The following ZNF382 variants were observed in gnomAD, a reference collection of about 807,000 sequenced individuals.
ZNF382 encodes KRAB/zinc finger suppressor protein 1.
In ZNF382, 20 loss-of-function variants were observed where a neutral mutation model predicts 38.8. The observed-to-expected ratio is 0.51, with a 90% CI of 0.36 to 0.75. ZNF382 has a LOEUF of 0.75. Ranked by LOEUF, ZNF382 falls within the 30% of genes least tolerant of loss-of-function variation. The pLI is 0.00. For synonymous variants in ZNF382, 202 were observed against 223.1 expected (o/e 0.91, Z 0.84); for missense variants, 546 against 654.1 (o/e 0.83, Z 1.80).
At position 36,626,201 on chromosome 19, in the gene ZNF382, A is replaced by G. The variant is rs201581942; in HGVS notation, c.304A>G (p.Ile102Val). ...EYQDRHSRPL[I>V]FINHKKLIKE... is the part of the protein sequence containing the mutation. ...CCAAGACAGGCATTCTAGACCCCTC[A>G]TATTCATCAACCACAAAAAACTAAT... The change falls in exon 5 of 5, where the codon ATA becomes GTA. Residue 102 changes from isoleucine to valine, a missense_variant. Transcript: ENST00000292928. 43 of 1,599,896 alleles carry G rather than the reference A, an allele frequency of 2.7e-5. No homozygotes were observed. Among genetic ancestry groups the G allele is most frequent in the Middle Eastern group, 1.7e-4 (1 of 5,996 alleles).
At position 36,627,774 on chromosome 19, in the gene ZNF382, A is replaced by G. The variant is rs2037227628; in HGVS notation, c.*224A>G. On this transcript the variant is annotated 3_prime_UTR_variant, in exon 5 of 5. Transcript: ENST00000292928. ...AAGTCCAAACTTTTTTTTTATTACT[A>G]GCTTCAGCAGACAAAAACTTCCTCT... 4.3e-6 allele frequency: 2 copies of G among 459,810 alleles called. No individual in the cohort carries two copies. The highest frequency in any genetic ancestry group is 3.6e-5 in the East Asian group (1 of 27,682). The allele number at this position is 459,810 out of a possible 1,614,324, so 28.5% of individuals were successfully genotyped here. A position where few individuals can be genotyped will look rare whatever the true frequency, so the allele number is the denominator to read the frequency against.
intron 4 of ZNF382, among the ~76,000 whole-genome samples, chr19:36,624,645 C>T (rs1042357152): frequency 1.3e-5 from 2 of 152,086 alleles, no homozygotes; most frequent in South Asian, 2.1e-4. Flanking sequence ...GAGGAAAACT[C>T]AAACCTATCT....
At chr19:36,618,368 A>G (rs955979525) in intron 4 of ZNF382, among the ~76,000 whole-genome samples, 1 of 152,188 alleles carries the variant, frequency 6.6e-6, no homozygotes, top group South Asian at 2.1e-4. Context: ...GGCTCCTTGC[A>G]ATCTTGCCCT....
intron 4 of ZNF382, among the ~76,000 whole-genome samples, chr19:36,625,122 A>ATATATATATT (rs1217597750): frequency 1.5e-5 from 2 of 129,226 alleles, no homozygotes; most frequent in African/African-American, 5.7e-5. Flanking sequence ...ATATATATAT[A>ATATATATATT]TATATAATGT....
Position 36,629,476 on chromosome 19 carries a change from A to G in ZNF382, c.*1926A>G, listed in dbSNP as rs931034208. The G allele has an allele frequency of 1.5e-4, 23 of 152,250 alleles. No homozygotes were observed. The highest frequency in any genetic ancestry group is 5.3e-4 in the African/African-American group (22 of 41,466). 9.4% of individuals were successfully genotyped at this position (152,250 alleles called of 1,614,324 possible). A position where few individuals can be genotyped will look rare whatever the true frequency, so the allele number is the denominator to read the frequency against. ...TGGTACCACAAATGAGACCTCAAGCAAGAACTGCCCAGCTGAGGCCTTCCC... is the reference window on the plus strand; with the variant it reads ...TGGTACCACAAATGAGACCTCAAGCGAGAACTGCCCAGCTGAGGCCTTCCC... On this transcript the variant is annotated 3_prime_UTR_variant, in exon 5 of 5. Coordinates refer to ENST00000292928, the MANE Select transcript of ZNF382 (RefSeq NM_032825.5).
chr19:36,619,440 C>G (rs891585879), intron 4 of ZNF382, among the ~76,000 whole-genome samples: 2 of 152,162 alleles, frequency 1.3e-5, no homozygotes, highest in African/African-American at 4.8e-5. Context: ...GTCCAGTTTG[C>G]ATCATTCTGA....
intron 2 of ZNF382, chr19:36,609,638 T>G: frequency 3.8e-6 from 1 of 266,154 alleles, no homozygotes; most frequent in Non-Finnish European, 7.1e-6. Flanking sequence ...TATTTACATG[T>G]ATGCCCCTCT....
At chr19:36,605,901 G>A (rs2037018547) in intron 1 of ZNF382, among the ~76,000 whole-genome samples, 1 of 152,196 alleles carries the variant, frequency 6.6e-6, no homozygotes, top group African/African-American at 2.4e-5. Context: ...GTGTGGTTGT[G>A]ACTGCCTGGA....
chr19:36,618,543 A>C (rs888632169), intron 4 of ZNF382, among the ~76,000 whole-genome samples: 2 of 152,182 alleles, frequency 1.3e-5, no homozygotes, highest in Non-Finnish European at 2.9e-5. Flanking sequence ...CTGGAGATCT[A>C]TCTCTTCTGT....
Position 36,628,744 on chromosome 19 carries a change from A to G in ZNF382, c.*1194A>G, listed in dbSNP as rs2037234684. 6.6e-6 allele frequency: 1 copy of G among 152,570 alleles called. No homozygotes were observed. Among genetic ancestry groups the G allele is most frequent in the African/African-American group, 2.4e-5 (1 of 41,422 alleles). 9.5% of individuals were successfully genotyped at this position (152,570 alleles called of 1,614,324 possible). A position where few individuals can be genotyped will look rare whatever the true frequency, so the allele number is the denominator to read the frequency against. On this transcript the variant is annotated 3_prime_UTR_variant, in exon 5 of 5. Coordinates refer to ENST00000292928, the MANE Select transcript of ZNF382 (RefSeq NM_032825.5). Reference sequence around the variant, plus strand: ...GTGGGGAGGAATATAGTCTTTACCTATGGTCTGTATCTACTGGTCAGGTAC... The same window carrying G: ...GTGGGGAGGAATATAGTCTTTACCTGTGGTCTGTATCTACTGGTCAGGTAC...
intron 4 of ZNF382, among the ~76,000 whole-genome samples, chr19:36,620,851 C>T (rs1449251729): frequency 1.3e-5 from 2 of 151,922 alleles, no homozygotes; most frequent in Non-Finnish European, 2.9e-5. Flanking sequence ...CTCCACCTCC[C>T]GAGTTCAAGT....
intron 4 of ZNF382, among the ~76,000 whole-genome samples, chr19:36,623,049 C>A (rs1469465692): frequency 1.3e-5 from 2 of 152,046 alleles, no homozygotes; most frequent in Non-Finnish European, 2.9e-5. Context: ...TATGACATTT[C>A]TTTCTCTATT....
chr19:36,606,004 A>G (rs1294036728), intron 1 of ZNF382, among the ~76,000 whole-genome samples: 2 of 152,126 alleles, frequency 1.3e-5, no homozygotes, highest in African/African-American at 2.4e-5. Flanking sequence ...GTGACTCTGC[A>G]TGTGTTTGTA....
At chr19:36,609,876 T>A (rs1215502718) in intron 2 of ZNF382, 26 bp from the exon 3 acceptor site, 1 of 1,564,602 alleles carries the variant, frequency 6.4e-7, no homozygotes, top group African/African-American at 1.4e-5. Flanking sequence ...CAATATCTAG[T>A]TCTCACACAT....
intron 4 of ZNF382, among the ~76,000 whole-genome samples, chr19:36,612,447 T>G (rs2037085347): frequency 6.6e-6 from 1 of 152,224 alleles, no homozygotes; most frequent in African/African-American, 2.4e-5. Context: ...ACATACATGT[T>G]TATTTTTCTT....
At chr19:36,607,988 A>C in intron 2 of ZNF382, 1 of 215,098 alleles carries the variant, frequency 4.6e-6, no homozygotes, top group Non-Finnish European at 9.2e-6. Flanking sequence ...TCTCACAAAC[A>C]AACTGCTGGA....
chr19:36,633,800 T>C lies in ZNF382; in HGVS notation c.*6250T>C, dbSNP rs1399656961. Reference sequence around the variant, plus strand: ...GCTACATAGATGAACCTCAAATGCATTACGCTAAAGGAAAGAACCCAGTCC... The same window carrying C: ...GCTACATAGATGAACCTCAAATGCACTACGCTAAAGGAAAGAACCCAGTCC... On this transcript the variant is annotated 3_prime_UTR_variant, in exon 5 of 5. Transcript: ENST00000292928. The C allele has an allele frequency of 1.3e-5, 2 of 152,136 alleles. No individual in the cohort carries two copies. Among genetic ancestry groups the C allele is most frequent in the Non-Finnish European group, 2.9e-5 (2 of 68,040 alleles). The allele number at this position is 152,136 out of a possible 1,614,324, so 9.4% of individuals were successfully genotyped here. A position where few individuals can be genotyped will look rare whatever the true frequency, so the allele number is the denominator to read the frequency against.
intron 1 of ZNF382, among the ~76,000 whole-genome samples, chr19:36,606,256 T>C (rs1332766362): frequency 6.6e-6 from 1 of 151,990 alleles, no homozygotes; most frequent in Non-Finnish European, 1.5e-5. Flanking sequence ...AAACACCATA[T>C]TAACTAAAAC....
At chr19:36,618,430 G>A (rs1283218700) in intron 4 of ZNF382, among the ~76,000 whole-genome samples, 1 of 152,154 alleles carries the variant, frequency 6.6e-6, no homozygotes, top group Non-Finnish European at 1.5e-5. Context: ...CAACTTTGGG[G>A]CTCTGCTTTT....
Sources: allele counts gnomAD v4.1 joint callset (sites outside exome capture counted in the v4.1 genomes callset), GRCh38; gene constraint gnomAD v4.1.1; transcripts MANE v1.5; gene names NCBI Gene and HGNC (gene_info 2026-07-23, HGNC 2026-07-21).